The following KCNN2 variants were observed in gnomAD, a reference collection of about 807,000 sequenced individuals.
KCNN2 encodes potassium calcium-activated channel subfamily N member 2.
In KCNN2, 24 loss-of-function variants were observed where a neutral mutation model predicts 55.5. The observed-to-expected ratio is 0.43, with a 90% CI of 0.31 to 0.61. The LOEUF (loss-of-function observed/expected upper bound fraction) is 0.61. Among genes scored for constraint, KCNN2 ranks in the 20% least tolerant of loss-of-function variants. The pLI, the probability that KCNN2 is intolerant of heterozygous loss-of-function variation, is 0.08. For missense variants in KCNN2, 754 were observed against 853.6 expected, an observed-to-expected ratio of 0.88 and a Z score of 1.45; for synonymous variants, 431 against 336.1, an observed-to-expected ratio of 1.28 and a Z score of -3.09.
chr5:114,253,518 TGA>T (rs1337181217), intron 2 of KCNN2: 1 of 153,140 alleles, frequency 6.5e-6, no homozygotes, highest in African/African-American at 2.4e-5. Context: ...GAGGAGGACG[TGA>T]GAGTTATCTG....
chr5:114,193,221 C>T (rs550197089), intron 1 of KCNN2, among the ~76,000 whole-genome samples: 2 of 152,242 alleles, frequency 1.3e-5, no homozygotes, highest in East Asian at 3.9e-4. Flanking sequence ...AGATTCTGTG[C>T]TTCAACTCAG....
intron 2 of KCNN2, among the ~76,000 whole-genome samples, chr5:114,222,664 A>T (rs1439309524): frequency 1.3e-5 from 2 of 152,190 alleles, no homozygotes; most frequent in Admixed American, 6.5e-5. Context: ...GCAGGGAATC[A>T]TATCCCTTGT....
chr5:114,107,657 A>G (rs954113749), intron 1 of KCNN2, among the ~76,000 whole-genome samples: 2 of 151,942 alleles, frequency 1.3e-5, no homozygotes, highest in Admixed American at 1.3e-4. Flanking sequence ...GGGCCTCCCA[A>G]AGTGTTGGCA....
At chr5:114,212,845 G>A (rs1350999505) in intron 1 of KCNN2, among the ~76,000 whole-genome samples, 1 of 151,976 alleles carries the variant, frequency 6.6e-6, no homozygotes, top group African/African-American at 2.4e-5. Flanking sequence ...ATTAGTAGTG[G>A]CCTCTTTCAG....
chr5:114,419,167 T>TAC (rs1446600628), intron 3 of KCNN2, among the ~76,000 whole-genome samples: 2 of 152,246 alleles, frequency 1.3e-5, no homozygotes, highest in African/African-American at 4.8e-5. Flanking sequence ...ATTAGTGTGG[T>TAC]ACACTAGTTA....
intron 1 of KCNN2, among the ~76,000 whole-genome samples, chr5:114,145,989 TG>T (rs1354511515): frequency 9.2e-5 from 14 of 152,162 alleles, no homozygotes; most frequent in African/African-American, 3.1e-4. Flanking sequence ...TCTGTCTCGT[TG>T]TTGCATGCAT....
At chr5:114,165,825 C>T (rs182030450) in intron 1 of KCNN2, among the ~76,000 whole-genome samples, 23 of 152,056 alleles carry the variant, frequency 1.5e-4, no homozygotes, top group South Asian at 4.2e-4. Flanking sequence ...CAACAGTAGG[C>T]GATTAGTAGT....
At chr5:114,477,280 G>C (rs1762015609) in intron 5 of KCNN2, among the ~76,000 whole-genome samples, 1 of 152,090 alleles carries the variant, frequency 6.6e-6, no homozygotes, top group African/African-American at 2.4e-5. Flanking sequence ...AACATTCCAA[G>C]TCTTCCAGTT....
At chr5:114,376,161 A>C (rs1757933875) in intron 2 of KCNN2, among the ~76,000 whole-genome samples, 1 of 152,002 alleles carries the variant, frequency 6.6e-6, no homozygotes, top group Admixed American at 6.6e-5. Flanking sequence ...TCACTGTCTC[A>C]GTCTGATGCT....
rs367899858 is a variant in KCNN2 at position 114,377,616 on chromosome 5, C to T, written c.1218+13615C>T. ...GTAAGGGAAGAAGCCCGAGGGACGC[C>T]TTCTATCTAGACAGACATTTGTGCC... On this transcript the variant is annotated intron_variant, in intron 2 of 7. Coordinates refer to ENST00000673685, the MANE Select transcript of KCNN2 (RefSeq NM_021614.4). Among the ~76,000 whole-genome samples, 14 of 152,208 alleles carry T rather than the reference C, an allele frequency of 9.2e-5. No individual in the cohort carries two copies. In the East Asian group the frequency reaches 2.7e-3, roughly 29 times the overall value.
intron 3 of KCNN2, 83 bp downstream of exon 3, chr5:114,404,939 C>CACTACACGTCTCAA: frequency 2.5e-6 from 3 of 1,203,330 alleles, no homozygotes; most frequent in Non-Finnish European, 3.5e-6. Flanking sequence ...AGACTTGAGA[C>CACTACACGTCTCAA]GTGTAGTGTC....
intron 1 of KCNN2, 110 bp downstream of exon 1, chr5:114,363,371 A>AAGGG: frequency 7.5e-7 from 1 of 1,332,792 alleles, no homozygotes; most frequent in Non-Finnish European, 9.9e-7. Flanking sequence ...CGGGACGATC[A>AAGGG]AGGGAGCCCG....
chr5:114,438,540 A>G (rs1452143530), intron 3 of KCNN2, among the ~76,000 whole-genome samples: 1 of 152,192 alleles, frequency 6.6e-6, no homozygotes, highest in African/African-American at 2.4e-5. Flanking sequence ...TTTATCTAGA[A>G]GATCTTTGGG....
intron 7 of KCNN2, 48 bp downstream of exon 7, chr5:114,493,520 C>G: frequency 8.1e-7 from 1 of 1,229,572 alleles, no homozygotes; most frequent in Non-Finnish European, 1.2e-6. Context: ...TTGAAATCAA[C>G]CACTTCACAG....
In KCNN2 at chr5:114,100,510, T is replaced by C. The variant is rs1318420587; in HGVS notation, c.-271+44010T>C. Among the ~76,000 whole-genome samples the C allele has an allele frequency of 2.0e-5, 3 of 152,038 alleles. No individual in the cohort carries two copies. The East Asian group carries it at 5.8e-4, about 29-fold the overall frequency. ...CACTGCAGAGAATGCAGAAACAAACTACGAATGAAAAGAAGAGAGGAAGTA... is the reference window on the plus strand; with the variant it reads ...CACTGCAGAGAATGCAGAAACAAACCACGAATGAAAAGAAGAGAGGAAGTA... On this transcript the variant is annotated intron_variant, in intron 1 of 10. Coordinates refer to the KCNN2 transcript ENST00000512097.
At chr5:114,170,704 A>G (rs1009514061) in intron 1 of KCNN2, among the ~76,000 whole-genome samples, 8 of 151,570 alleles carry the variant, frequency 5.3e-5, no homozygotes, top group Admixed American at 4.6e-4. Context: ...GTTTCAGAGT[A>G]TACAAATTTA....
intron 1 of KCNN2, among the ~76,000 whole-genome samples, chr5:114,064,505 A>G (rs536517937): frequency 6.6e-6 from 1 of 152,296 alleles, no homozygotes; most frequent in African/African-American, 2.4e-5. Context: ...GAGACATCAG[A>G]TGTGTGAGGG....
intron 4 of KCNN2, among the ~76,000 whole-genome samples, chr5:114,467,147 C>A (rs1276131608): frequency 2.0e-5 from 3 of 152,112 alleles, no homozygotes; most frequent in African/African-American, 7.2e-5. Context: ...AAACAGTTTG[C>A]ATCCTGAAGA....
At chr5:114,298,521 T>G (rs760822008) in intron 2 of KCNN2, among the ~76,000 whole-genome samples, 4 of 152,148 alleles carry the variant, frequency 2.6e-5, no homozygotes, top group Non-Finnish European at 5.9e-5. Flanking sequence ...TTTCCAGACT[T>G]TAGGGTTTTG....
Sources: gnomAD v4.1 joint callset for allele counts (sites outside exome capture counted in the v4.1 genomes callset) on GRCh38, gnomAD v4.1.1 for gene constraint, MANE v1.5 for transcripts, NCBI Gene and HGNC (gene_info 2026-07-23, HGNC 2026-07-21) for gene names.